PTPN20: variants seen among roughly 807,000 people sequenced by gnomAD.
PTPN20 encodes the protein protein tyrosine phosphatase non-receptor type 20, also known as tyrosine-protein phosphatase non-receptor type 20.
A neutral mutation model predicts 35.0 loss-of-function variants in PTPN20; 9 were observed. The observed-to-expected ratio is 0.26, with a 90% CI of 0.15 to 0.45. The LOEUF (loss-of-function observed/expected upper bound fraction) is 0.45. Among genes scored for constraint, PTPN20 ranks in the 20% least tolerant of loss-of-function variants. The pLI, the probability that PTPN20 is intolerant of heterozygous loss-of-function variation, is 1.00. For synonymous variants in PTPN20, 32 were observed against 100.2 expected (o/e 0.32, Z 4.06); for missense variants, 111 against 312.5 (o/e 0.36, Z 4.86).
chr10:46,999,103 CT>C (rs2059656490), intron 9 of PTPN20, among the ~76,000 whole-genome samples: 1 of 152,000 alleles, frequency 6.6e-6, no homozygotes, highest in African/African-American at 2.4e-5. Context: ...CTCTAAAAAA[CT>C]AAAAGTTTTT....
chr10:46,953,981 A>T (rs1468165906), intron 5 of PTPN20, among the ~76,000 whole-genome samples: 21 of 127,600 alleles, frequency 1.6e-4, no homozygotes, highest in African/African-American at 7.0e-4. Context: ...GTTTGTATAA[A>T]ATTGGTAGTA....
At chr10:47,003,642 C>T (rs1164748267), downstream of PTPN20, among the ~76,000 whole-genome samples, 1 of 151,958 alleles carries the variant, frequency 6.6e-6, no homozygotes, top group Non-Finnish European at 1.5e-5. Context: ...AAGTTTTATG[C>T]CCATTTGTTT....
chr10:47,000,628 T>A, intron 10 of PTPN20, 48 bp from the exon 11 acceptor site: 2 of 1,603,216 alleles, frequency 1.2e-6, no homozygotes. Flanking sequence ...GTGGATTCTG[T>A]TATTCAATTA....
chr10:46,972,326 G>A (rs1304355203), intron 7 of PTPN20, among the ~76,000 whole-genome samples: 1 of 152,098 alleles, frequency 6.6e-6, no homozygotes, highest in African/African-American at 2.4e-5. Context: ...ATAAATGCAT[G>A]AAATGATATT....
At chr10:46,935,313 T>G (rs1440353600) in intron 2 of PTPN20, among the ~76,000 whole-genome samples, 86 of 136,954 alleles carry the variant, frequency 6.3e-4, no homozygotes, top group African/African-American at 2.1e-3. Flanking sequence ...TCTGTTTTTT[T>G]TTTTTTTTTT....
At chr10:47,000,110 T>C in intron 10 of PTPN20, 136 bp downstream of exon 10, 1 of 1,347,590 alleles carries the variant, frequency 7.4e-7, no homozygotes, top group Non-Finnish European at 1.1e-6. Flanking sequence ...ACATTAGTTT[T>C]GCTCTGATTC....
intron 1 of PTPN20, 25 bp from the exon 2 acceptor site, chr10:46,932,352 T>C (rs1273132438): frequency 5.0e-6 from 8 of 1,598,496 alleles, no homozygotes; most frequent in Non-Finnish European, 6.8e-6. Flanking sequence ...AACAGAAAAA[T>C]CTTTGGCTTT....
chr10:46,995,322 A>AT (rs1365468770), intron 9 of PTPN20, among the ~76,000 whole-genome samples: 108 of 86,814 alleles, frequency 1.2e-3, no homozygotes, highest in Admixed American at 1.4e-3. Flanking sequence ...TACCTGTCGA[A>AT]TTTTTTTTTT....
At chr10:46,997,365 G>GT (rs1179109046) in intron 9 of PTPN20, among the ~76,000 whole-genome samples, 151 of 141,292 alleles carry the variant, frequency 1.1e-3, no homozygotes, top group South Asian at 1.3e-3. Flanking sequence ...GGTTTTGTAG[G>GT]TTTTTTTTTT....
At chr10:46,928,312 T>C (rs1424188068) in intron 1 of PTPN20, among the ~76,000 whole-genome samples, 1 of 152,028 alleles carries the variant, frequency 6.6e-6, no homozygotes, top group Non-Finnish European at 1.5e-5. Flanking sequence ...CTTGCATTAA[T>C]AACTTGATAT....
At chr10:46,937,679 T>A (rs1429053170) in intron 2 of PTPN20, among the ~76,000 whole-genome samples, 1 of 151,880 alleles carries the variant, frequency 6.6e-6, no homozygotes, top group Non-Finnish European at 1.5e-5. Flanking sequence ...TATTTTTACA[T>A]GATTTATATC....
intron 1 of PTPN20, among the ~76,000 whole-genome samples, chr10:46,925,209 CTGTT>C (rs1195735038): frequency 5.3e-5 from 8 of 150,032 alleles, no homozygotes; most frequent in Non-Finnish European, 1.0e-4. Context: ...ATGCCTCTTT[CTGTT>C]TATTTTTCTG....
rs1385732463 is a variant in PTPN20 at position 47,001,833 on chromosome 10, A to G, written c.*1092A>G. 1 of 152,142 alleles carries G rather than the reference A, an allele frequency of 6.6e-6. No homozygotes were observed. 9.4% of individuals were successfully genotyped at this position (152,142 alleles called of 1,614,324 possible). A position where few individuals can be genotyped will look rare whatever the true frequency, so the allele number is the denominator to read the frequency against. On this transcript the variant is annotated 3_prime_UTR_variant, in exon 11 of 11. Transcript: ENST00000374339. Reference sequence around the variant, plus strand: ...ATGTGGCCATTATTACAGTAATTTTATTATAGGACTTTGCCTCGTACAATT... The same window carrying G: ...ATGTGGCCATTATTACAGTAATTTTGTTATAGGACTTTGCCTCGTACAATT...
At chr10:46,945,514 G>A (rs1371100055) in intron 4 of PTPN20, among the ~76,000 whole-genome samples, 357 of 152,296 alleles carry the variant, frequency 2.3e-3, no homozygotes, top group Non-Finnish European at 4.3e-3. Flanking sequence ...GATGGTGATG[G>A]AAAAATAGAC....
chr10:46,945,285 A>G (rs1419967889), intron 4 of PTPN20, among the ~76,000 whole-genome samples: 30 of 152,158 alleles, frequency 2.0e-4, no homozygotes, highest in African/African-American at 7.2e-4. Context: ...TTATTCATGC[A>G]ACTATCTATT....
At chr10:46,953,951 C>T (rs1284503508) in intron 5 of PTPN20, among the ~76,000 whole-genome samples, 2 of 129,812 alleles carry the variant, frequency 1.5e-5, no homozygotes, top group Non-Finnish European at 3.1e-5. Context: ...GTGTTTTCTC[C>T]TCTTCAATAT....
chr10:46,958,786 T>G (rs2049027773), intron 5 of PTPN20, among the ~76,000 whole-genome samples: 1 of 146,568 alleles, frequency 6.8e-6, no homozygotes, highest in Non-Finnish European at 1.5e-5. Context: ...ATTCCTTCTT[T>G]GATCCATTGG....
At chr10:46,955,143 A>G (rs1205814203) in intron 5 of PTPN20, 1 of 149,790 alleles carries the variant, frequency 6.7e-6, no homozygotes, top group Non-Finnish European at 1.5e-5. Context: ...TCCTGGAACC[A>G]ATTCCTTGCA....
intron 9 of PTPN20, among the ~76,000 whole-genome samples, chr10:46,992,620 T>C (rs2058210117): frequency 6.6e-6 from 1 of 152,226 alleles, no homozygotes; most frequent in South Asian, 2.1e-4. Flanking sequence ...ACTTTTTAAC[T>C]CTTGGATCAT....
Sources: allele counts gnomAD v4.1 joint callset (sites outside exome capture counted in the v4.1 genomes callset), GRCh38; gene constraint gnomAD v4.1.1; transcripts MANE v1.5; gene names NCBI Gene and HGNC (gene_info 2026-07-23, HGNC 2026-07-21).